The following TIAM2 variants were observed in gnomAD, a reference collection of about 807,000 sequenced individuals.
TIAM2 encodes the protein TIAM Rac1 associated GEF 2.
Under a neutral mutation model 152.9 loss-of-function variants are expected in TIAM2, and 80 were observed. The observed-to-expected ratio is 0.52, with a 90% CI of 0.44 to 0.63. TIAM2 has a LOEUF of 0.63. TIAM2 is among the 30% of genes least tolerant of loss of function. The pLI is 0.00. For missense variants in TIAM2, 1,965 were observed against 2,120.1 expected (o/e 0.93, Z 1.44); for synonymous variants, 804 against 838.0 (o/e 0.96, Z 0.70).
At chr6:155,016,960 C>T (rs1386839047) in intron 1 of TIAM2, among the ~76,000 whole-genome samples, 4 of 152,110 alleles carry the variant, frequency 2.6e-5, no homozygotes, top group African/African-American at 9.7e-5. Context: ...AGGGATATCA[C>T]CTGAGCATGA....
At chr6:155,170,002 A>G (rs768575691) in intron 9 of TIAM2, among the ~76,000 whole-genome samples, 130 of 152,024 alleles carry the variant, frequency 8.6e-4, no homozygotes, top group Non-Finnish European at 1.5e-3. Context: ...TATTTTTAGT[A>G]GAGATGGGGT....
intron 12 of TIAM2, 72 bp from the exon 13 acceptor site, chr6:155,182,154 A>G: frequency 2.5e-6 from 3 of 1,214,912 alleles, no homozygotes; most frequent in South Asian, 2.5e-5. Context: ...TCAAGGAGAT[A>G]CTGCCGGTGT....
intron 9 of TIAM2, among the ~76,000 whole-genome samples, chr6:155,172,834 T>C (rs1236807805): frequency 6.6e-6 from 1 of 150,968 alleles, no homozygotes; most frequent in Non-Finnish European, 1.5e-5. Flanking sequence ...ATCTTTGACA[T>C]GGGTAACCTG....
chr6:155,145,494 A>C (rs1243562835), intron 6 of TIAM2, among the ~76,000 whole-genome samples: 1 of 152,134 alleles, frequency 6.6e-6, no homozygotes, highest in African/African-American at 2.4e-5. Context: ...CGTAAGAGTA[A>C]ATGACATCGT....
At chr6:155,180,599 T>G (rs1478923800) in intron 12 of TIAM2, among the ~76,000 whole-genome samples, 1 of 152,064 alleles carries the variant, frequency 6.6e-6, no homozygotes, top group Non-Finnish European at 1.5e-5. Context: ...CCCATGTTAT[T>G]TTTTTATTTT....
At chr6:155,003,563 G>A (rs997108553) in intron 1 of TIAM2, among the ~76,000 whole-genome samples, 2 of 152,130 alleles carry the variant, frequency 1.3e-5, no homozygotes, top group Admixed American at 6.5e-5. Flanking sequence ...TGGAAGACTC[G>A]ACGCTCCCAG....
intron 1 of TIAM2, among the ~76,000 whole-genome samples, chr6:155,028,020 T>C (rs1776649149): frequency 7.7e-6 from 1 of 129,298 alleles, no homozygotes. Flanking sequence ...ATGTACTGTG[T>C]TATATACTAT....
intron 15 of TIAM2, among the ~76,000 whole-genome samples, chr6:155,234,569 A>AT (rs1047284599): frequency 1.1e-4 from 17 of 151,582 alleles, no homozygotes; most frequent in East Asian, 7.8e-4. Flanking sequence ...TGGCCGGCTA[A>AT]TTTTTTTTTA....
chr6:155,019,355 T>TA (rs1473055292), intron 1 of TIAM2, among the ~76,000 whole-genome samples: 1 of 151,238 alleles, frequency 6.6e-6, no homozygotes, highest in African/African-American at 2.4e-5. Context: ...AGAAAAAAAA[T>TA]AAAAAAGGAT....
intron 1 of TIAM2, among the ~76,000 whole-genome samples, chr6:155,060,823 A>T (rs937024369): frequency 6.6e-6 from 1 of 152,188 alleles, no homozygotes; most frequent in Admixed American, 6.5e-5. Context: ...TGATCCCAGG[A>T]GGAGGAGGTT....
At chr6:155,038,668 C>T (rs1399567525) in intron 1 of TIAM2, among the ~76,000 whole-genome samples, 1 of 152,176 alleles carries the variant, frequency 6.6e-6, no homozygotes, top group African/African-American at 2.4e-5. Context: ...TGCAGTGGCT[C>T]ATGCCTGTAA....
chr6:155,253,496 A>G (rs761299309), intron 24 of TIAM2: 17 of 175,574 alleles, frequency 9.7e-5, no homozygotes, highest in South Asian at 9.3e-4. Flanking sequence ...TGTTTTGGTG[A>G]CAGGTATCTG....
chr6:155,008,933 G>A (rs771875397), intron 1 of TIAM2, among the ~76,000 whole-genome samples: 7 of 152,064 alleles, frequency 4.6e-5, no homozygotes. Context: ...CTGCCTTGGA[G>A]TTGTAGGATT....
intron 22 of TIAM2, among the ~76,000 whole-genome samples, chr6:155,251,428 AG>A (rs1377168620): frequency 6.6e-6 from 1 of 152,146 alleles, no homozygotes; most frequent in African/African-American, 2.4e-5. Flanking sequence ...CTGGGATTAC[AG>A]GTGCTCGCCA....
intron 5 of TIAM2, among the ~76,000 whole-genome samples, chr6:155,142,146 T>G (rs981432494): frequency 6.6e-6 from 1 of 152,202 alleles, no homozygotes; most frequent in African/African-American, 2.4e-5. Flanking sequence ...GAGGCTTCAC[T>G]GACACGGGTG....
At chr6:155,079,058 G>GA (rs1417965623) in intron 1 of TIAM2, among the ~76,000 whole-genome samples, 2 of 150,832 alleles carry the variant, frequency 1.3e-5, no homozygotes, top group Non-Finnish European at 3.0e-5. Context: ...GTTTATCTTT[G>GA]TTTTTTTGTT....
chr6:155,074,351 T>G (rs80211883), intron 1 of TIAM2, among the ~76,000 whole-genome samples: 1 of 152,122 alleles, frequency 6.6e-6, no homozygotes, highest in African/African-American at 2.4e-5. Flanking sequence ...GCTTTTTTTT[T>G]GTTTGTTTTT....
rs141895254 is a variant in TIAM2 at position 155,243,407 on chromosome 6, G to A, written c.3349-604G>A. Among the ~76,000 whole-genome samples the A allele has an allele frequency of 4.4e-3, 664 of 152,324 alleles. 4 individuals carry two copies. Among genetic ancestry groups the A allele is most frequent in the African/African-American group, 0.015 (632 of 41,570 alleles). Reference sequence around the variant, plus strand: ...GTGAGTGCCCCTGCTGCAGTGGCCTGAAGAAAGGGTGTTTCTGTCACCAAG... The same window carrying A: ...GTGAGTGCCCCTGCTGCAGTGGCCTAAAGAAAGGGTGTTTCTGTCACCAAG... On this transcript the variant is annotated intron_variant, in intron 16 of 26. Coordinates refer to ENST00000682666, the MANE Select transcript of TIAM2 (RefSeq NM_012454.4).
chr6:155,039,494 G>C (rs1313148578), intron 1 of TIAM2, among the ~76,000 whole-genome samples: 1 of 151,992 alleles, frequency 6.6e-6, no homozygotes, highest in Non-Finnish European at 1.5e-5. Flanking sequence ...AGTACGAGAA[G>C]GTTCTTTGTC....
Sources: allele counts gnomAD v4.1 joint callset (sites outside exome capture counted in the v4.1 genomes callset), GRCh38; gene constraint gnomAD v4.1.1; transcripts MANE v1.5; gene names NCBI Gene and HGNC (gene_info 2026-07-23, HGNC 2026-07-21).